Variants in CALCA observed in about 807,000 individuals in gnomAD.
CALCA encodes calcitonin related polypeptide alpha.
In CALCA, 4 loss-of-function variants were observed where a neutral mutation model predicts 6.9. The ratio of observed to expected loss-of-function variants is 0.58; its 90% confidence interval spans 0.29 to 1.33. The LOEUF (loss-of-function observed/expected upper bound fraction) is 1.33. Among genes scored for constraint, CALCA ranks in the 40% most tolerant of loss-of-function variants. The pLI, the probability that CALCA is intolerant of heterozygous loss-of-function variation, is 0.09. For missense variants in CALCA, 174 were observed against 178.3 expected (o/e 0.98, Z 0.14); for synonymous variants, 78 against 70.0 (o/e 1.11, Z -0.57).
chr11:14,968,338 G>T, downstream of CALCA: 2 of 619,126 alleles, frequency 3.2e-6, no homozygotes, highest in Non-Finnish European at 4.5e-6. Flanking sequence ...GTGCTTACCT[G>T]CTCCTTAGGA....
downstream of CALCA, chr11:14,967,535 T>C: frequency 1.1e-6 from 1 of 942,612 alleles, no homozygotes; most frequent in East Asian, 2.6e-5. Context: ...TCTTAGCTAC[T>C]GGAACTCAGA....
At chr11:14,968,122 C>T (rs1849499885), downstream of CALCA, 13 of 539,034 alleles carry the variant, frequency 2.4e-5, no homozygotes, top group Non-Finnish European at 4.3e-5. Flanking sequence ...CAGTAACAGC[C>T]AATCTTTCCT....
chr11:14,968,890 C>G lies in CALCA; in HGVS notation c.335G>C (p.Gly112Ala), dbSNP rs1441067899. 5.0e-6 allele frequency: 8 copies of G among 1,614,056 alleles called. No homozygotes were observed. The highest frequency in any genetic ancestry group is 6.8e-6 in the Non-Finnish European group (8 of 1,180,048). The stretch of plus-strand genomic sequence containing the variant: ...CCTTTTCTTTCCAGGTGCTCCAACC[C>G]CAATTGCAGTTTGGGGGAACGTGTG... The part of the protein sequence containing the change: ...KFHTFPQTAI[G>A]VGAPGKKRDM... Residue 112 changes from glycine to alanine, a missense_variant, in exon 4 of 4, where the codon GGG becomes GCG. Coordinates refer to ENST00000331587, the MANE Select transcript of CALCA (RefSeq NM_001741.3).
rs1555026088 is a variant in CALCA at position 14,969,952 on chromosome 11, T to C, written c.210A>G (p.Gln70=). 16 of 1,613,324 alleles carry C rather than the reference T, an allele frequency of 9.9e-6. No homozygotes were observed. The highest frequency in any genetic ancestry group is 1.3e-5 in the African/African-American group (1 of 75,028). Reference sequence around the variant, plus strand: ...AGCCTCACCTGGAGCCCTCTCTCTCTTGCTCCTGCTCCAGCTCACTGGCCT... The same window carrying C: ...AGCCTCACCTGGAGCCCTCTCTCTCCTGCTCCTGCTCCAGCTCACTGGCCT... ...QMKASELEQE[Q]EREGSSLDSP... Residue 70 remains glutamine (Q), a synonymous_variant, in exon 3 of 4, where the codon CAA becomes CAG. Transcript: ENST00000331587.
Position 14,971,168 on chromosome 11 carries a change from AGGG to A in CALCA, c.22_24del (p.Pro8del). On this transcript the variant is annotated inframe_deletion, in exon 2 of 4. Transcript: ENST00000331587. ...AGGACCAAGATGCTGAGAGCCAGGA[AGGG>A]GGAGAACTTTTGGAAGCCCATGACA... is the stretch of plus-strand genomic sequence containing the variant. The A allele has an allele frequency of 6.2e-7, 1 of 1,614,100 alleles. No homozygotes were observed.
Position 14,969,930 on chromosome 11 carries a change from C to G in CALCA, c.227+5G>C, listed in dbSNP as rs1469055392. The G allele has an allele frequency of 1.2e-6, 2 of 1,612,660 alleles. No homozygotes were observed. Among genetic ancestry groups the G allele is most frequent in the East Asian group, 4.5e-5 (2 of 44,884 alleles). Reference sequence around the variant, plus strand: ...GCCCTGTGCTGAGCGCTTGGGGAGCCTCACCTGGAGCCCTCTCTCTCTTGC... The same window carrying G: ...GCCCTGTGCTGAGCGCTTGGGGAGCGTCACCTGGAGCCCTCTCTCTCTTGC... On this transcript the variant is annotated splice_donor_5th_base_variant and intron_variant, in intron 3 of 3. Coordinates refer to ENST00000331587, the MANE Select transcript of CALCA (RefSeq NM_001741.3).
At chr11:14,970,227 C>G in intron 2 of CALCA, 152 bp from the exon 3 acceptor site, 1 of 1,103,256 alleles carries the variant, frequency 9.1e-7, no homozygotes, top group South Asian at 1.6e-5. Context: ...GTGTCCTCCT[C>G]AGGACCCAGG....
In CALCA at chr11:14,968,880, T is replaced by C; in HGVS notation, c.345A>G (p.Ala115=). The change falls in exon 4 of 4, where the codon GCA becomes GCG. Residue 115 remains alanine, a synonymous_variant. Coordinates refer to ENST00000331587, the MANE Select transcript of CALCA (RefSeq NM_001741.3). The part of the protein sequence containing the change: ...TFPQTAIGVG[A]PGKKRDMSSD... Reference sequence around the variant, plus strand: ...TGGACATATCCCTTTTCTTTCCAGGTGCTCCAACCCCAATTGCAGTTTGGG... The same window carrying C: ...TGGACATATCCCTTTTCTTTCCAGGCGCTCCAACCCCAATTGCAGTTTGGG... The C allele has an allele frequency of 6.2e-7, 1 of 1,614,172 alleles. No homozygotes were observed. Among genetic ancestry groups the C allele is most frequent in the Non-Finnish European group, 8.5e-7 (1 of 1,180,036 alleles).
downstream of CALCA, chr11:14,968,378 A>G (rs2133579966): frequency 1.8e-6 from 2 of 1,083,366 alleles, no homozygotes; most frequent in Non-Finnish European, 2.3e-6. Flanking sequence ...AGCTTGGTCA[A>G]AGGGACCACC....
chr11:14,970,518 G>A (rs1565209428), intron 2 of CALCA, among the ~76,000 whole-genome samples: 1 of 152,148 alleles, frequency 6.6e-6, no homozygotes, highest in Non-Finnish European at 1.5e-5. Flanking sequence ...TTCAAATCAT[G>A]GCTGAATAGG....
Position 14,970,015 on chromosome 11 carries a change from G to A in CALCA, c.147C>T (p.Leu49=). ...PATLSEDEAR[L]LLAALVQDYV... ...AGTCCTGCACCAGTGCAGCCAGCAG[G>A]AGGCGCGCTTCGTCCTCACTGAGCG... is the stretch of plus-strand genomic sequence containing the variant. The change falls in exon 3 of 4, where the codon CTC becomes CTT. Residue 49 remains leucine (L), a synonymous_variant. Transcript: ENST00000331587. The A allele has an allele frequency of 6.2e-7, 1 of 1,614,222 alleles. No individual in the cohort carries two copies. Among genetic ancestry groups the A allele is most frequent in the Non-Finnish European group, 8.5e-7 (1 of 1,180,052 alleles).
Position 14,969,840 on chromosome 11 carries a change from C to G in CALCA, c.227+95G>C, listed in dbSNP as rs1025049349. On this transcript the variant is annotated intron_variant, in intron 3 of 3. Coordinates refer to ENST00000331587, the MANE Select transcript of CALCA (RefSeq NM_001741.3). ...GTGAACAACACAGCCTGTTGGATTC[C>G]TGGCCAGTGTGTTCTCTCCTACCTC... 1.3e-4 allele frequency: 202 copies of G among 1,585,826 alleles called. 1 individual carries two copies. The Middle Eastern group carries it at 3.0e-3, about 23-fold the overall frequency.
chr11:14,969,720 A>G (rs944078167), intron 3 of CALCA, among the ~76,000 whole-genome samples: 3 of 152,214 alleles, frequency 2.0e-5, no homozygotes, highest in East Asian at 3.9e-4. Flanking sequence ...ACTTTCAGAA[A>G]CGGAGCCTTT....
downstream of CALCA, chr11:14,968,145 TA>T (rs1849500480): frequency 2.1e-6 from 1 of 475,672 alleles, no homozygotes; most frequent in Non-Finnish European, 3.8e-6. Flanking sequence ...ATAAATTAAC[TA>T]AAAATCAAAG....
chr11:14,968,994 C>A lies in CALCA; in HGVS notation c.231G>T (p.Leu77=), dbSNP rs1849525253. Residue 77 remains leucine (L), a synonymous_variant, in exon 4 of 4, where the codon CTG becomes CTT. Transcript: ENST00000331587. ...EQEQEREGSS[L]DSPRSKRCGN... ...CGCACCGCTTAGATCTGGGGCTGTC[C>A]AGGCTGCAGGGAAAACACATACCAG... is the stretch of plus-strand genomic sequence containing the variant. The A allele has an allele frequency of 2.5e-6, 4 of 1,613,126 alleles. No homozygotes were observed. In the African/African-American group the frequency reaches 5.3e-5, roughly 22 times the overall value.
At chr11:14,969,126 T>C (rs1455464467) in intron 3 of CALCA, 129 bp from the exon 4 acceptor site, 8 of 802,676 alleles carry the variant, frequency 1.0e-5, no homozygotes, top group Admixed American at 5.8e-5. Context: ...AGCTCACTTA[T>C]CTATCCTTCA....
chr11:14,971,552 A>C (rs1253892391), intron 1 of CALCA, among the ~76,000 whole-genome samples: 2 of 152,114 alleles, frequency 1.3e-5, no homozygotes, highest in African/African-American at 2.4e-5. Context: ...CCTGTCACAG[A>C]AGCTGATCCC....
chr11:14,971,747 T>A (rs1463861381), intron 1 of CALCA, among the ~76,000 whole-genome samples: 3 of 152,212 alleles, frequency 2.0e-5, no homozygotes, highest in African/African-American at 7.2e-5. Flanking sequence ...CAAGTTTTAC[T>A]CTTAAATTGG....
intron 3 of CALCA, among the ~76,000 whole-genome samples, chr11:14,969,215 TC>T (rs1849531683): frequency 1.3e-5 from 2 of 152,206 alleles, no homozygotes; most frequent in South Asian, 4.2e-4. Context: ...TTTCTGGCAT[TC>T]CACATGCTGT....
Sources: gnomAD v4.1 joint callset for allele counts (sites outside exome capture counted in the v4.1 genomes callset) on GRCh38, gnomAD v4.1.1 for gene constraint, MANE v1.5 for transcripts, NCBI Gene and HGNC (gene_info 2026-07-23, HGNC 2026-07-21) for gene names.